MAD1L1: variants seen among roughly 807,000 people sequenced by gnomAD.
MAD1L1 encodes the protein mitotic arrest deficient 1 like 1, also known as mitotic spindle assembly checkpoint protein MAD1.
Under a neutral mutation model 96.9 loss-of-function variants are expected in MAD1L1, and 95 were observed. The ratio of observed to expected loss-of-function variants is 0.98; its 90% CI spans 0.83 to 1.16. The LOEUF (loss-of-function observed/expected upper bound fraction) is 1.16, where lower values mean the gene tolerates loss of function less well. Among genes scored for constraint, MAD1L1 ranks in the 50% most tolerant of loss-of-function variants. The pLI, the probability that MAD1L1 is intolerant of heterozygous loss-of-function variation, is 0.00. For synonymous variants in MAD1L1, 473 were observed against 396.6 expected (o/e 1.19, Z -2.29); for missense variants, 1,007 against 954.4 (o/e 1.06, Z -0.73).
chr7:2,043,920 G>A (rs1014889041), intron 12 of MAD1L1, among the ~76,000 whole-genome samples: 4 of 152,362 alleles, frequency 2.6e-5, no homozygotes, highest in Admixed American at 6.5e-5. Flanking sequence ...TGCAGGAACA[G>A]GGTGTGGGTG....
chr7:2,217,355 C>T (rs902531424), intron 7 of MAD1L1, among the ~76,000 whole-genome samples: 3 of 152,178 alleles, frequency 2.0e-5, no homozygotes, highest in South Asian at 2.1e-4. Context: ...CTGAGGGCTG[C>T]GAGGGGCCAG....
chr7:1,885,519 C>T (rs1426774712), intron 18 of MAD1L1, among the ~76,000 whole-genome samples: 1 of 152,174 alleles, frequency 6.6e-6, no homozygotes, highest in African/African-American at 2.4e-5. Flanking sequence ...GTCGGAAGGG[C>T]AGATTTCAGG....
chr7:1,827,897 C>A (rs534153331), intron 18 of MAD1L1, among the ~76,000 whole-genome samples: 99 of 152,284 alleles, frequency 6.5e-4, no homozygotes, highest in Non-Finnish European at 1.1e-3. Context: ...GGCCTCTGCG[C>A]CTTCTCACCT....
At chr7:2,002,792 C>T (rs1781856576) in intron 13 of MAD1L1, among the ~76,000 whole-genome samples, 1 of 152,230 alleles carries the variant, frequency 6.6e-6, no homozygotes, top group South Asian at 2.1e-4. Flanking sequence ...AGCAGTCCAG[C>T]TCCCTGCTGG....
intron 11 of MAD1L1, among the ~76,000 whole-genome samples, chr7:2,133,009 G>A (rs1014567148): frequency 4.6e-5 from 7 of 152,204 alleles, no homozygotes; most frequent in East Asian, 3.9e-4. Flanking sequence ...CCCTTCCTGC[G>A]TCTGCTTTGG....
chr7:1,902,512 C>T (rs965495967), intron 17 of MAD1L1, among the ~76,000 whole-genome samples: 1 of 152,218 alleles, frequency 6.6e-6, no homozygotes, highest in Non-Finnish European at 1.5e-5. Context: ...TCGAGTGTTA[C>T]GGGGCACACG....
chr7:2,023,646 A>C (rs10258126), intron 12 of MAD1L1, among the ~76,000 whole-genome samples: 6,442 of 152,316 alleles, frequency 0.042, 212 homozygotes, highest in East Asian at 0.088. Flanking sequence ...TGTAAGCCTA[A>C]AGCAAGAAAT....
intron 10 of MAD1L1, among the ~76,000 whole-genome samples, chr7:2,151,900 C>A (rs1054340346): frequency 1.3e-5 from 2 of 152,244 alleles, no homozygotes; most frequent in Non-Finnish European, 2.9e-5. Flanking sequence ...ACGCCTCATT[C>A]TGGCACTGAT....
chr7:2,162,292 A>G (rs1010193958), intron 10 of MAD1L1, among the ~76,000 whole-genome samples: 1 of 152,224 alleles, frequency 6.6e-6, no homozygotes, highest in Non-Finnish European at 1.5e-5. Flanking sequence ...CCTTACCCCC[A>G]ACCCTGTGCT....
chr7:1,978,892 G>T (rs1780767971), intron 15 of MAD1L1, among the ~76,000 whole-genome samples: 1 of 152,226 alleles, frequency 6.6e-6, no homozygotes, highest in Non-Finnish European at 1.5e-5. Flanking sequence ...GAACGGCTGA[G>T]CAGATGTAAA....
chr7:2,061,103 C>T (rs1225275842), intron 12 of MAD1L1, among the ~76,000 whole-genome samples: 3 of 152,244 alleles, frequency 2.0e-5, no homozygotes, highest in Non-Finnish European at 4.4e-5. Context: ...CTTTGGAAGG[C>T]TGAGGCAGGC....
intron 18 of MAD1L1, among the ~76,000 whole-genome samples, chr7:1,888,083 G>A (rs1193237675): frequency 4.0e-5 from 6 of 149,452 alleles, no homozygotes; most frequent in Non-Finnish European, 7.4e-5. Context: ...GTGCATGCAT[G>A]AGCATGCATG....
intron 7 of MAD1L1, 107 bp from the exon 8 acceptor site, chr7:2,216,394 T>C (rs2114995348): frequency 8.8e-7 from 1 of 1,136,986 alleles, no homozygotes; most frequent in Non-Finnish European, 1.2e-6. Context: ...GCAACGGCTA[T>C]ACACACTGCA....
intron 15 of MAD1L1, among the ~76,000 whole-genome samples, chr7:1,978,791 C>T (rs577384851): frequency 5.3e-5 from 8 of 152,268 alleles, no homozygotes; most frequent in East Asian, 3.9e-4. Context: ...CAGATGAAGA[C>T]GGAGAGCGCG....
intron 13 of MAD1L1, among the ~76,000 whole-genome samples, chr7:2,011,317 C>A (rs1782291587): frequency 6.6e-6 from 1 of 152,224 alleles, no homozygotes; most frequent in Non-Finnish European, 1.5e-5. Flanking sequence ...ACCCTTGCCA[C>A]ACTTCATGTG....
chr7:1,883,517 A>C (rs1481062119), intron 18 of MAD1L1, among the ~76,000 whole-genome samples: 2 of 152,206 alleles, frequency 1.3e-5, no homozygotes, highest in African/African-American at 4.8e-5. Flanking sequence ...TGCTGCCTGA[A>C]GGCCAAGCTC....
At position 1,816,122 on chromosome 7, in the gene MAD1L1, G is replaced by A. The variant is rs1375223943; in HGVS notation, c.2105C>T (p.Ala702Val). 6.2e-7 allele frequency: 1 copy of A among 1,613,000 alleles called. No homozygotes were observed. Among genetic ancestry groups the A allele is most frequent in the East Asian group, 2.2e-5 (1 of 44,876 alleles). Reference sequence around the variant, plus strand: ...CTCGAGGGTGAGCGAGCTGAGGAAGGCAGGGATGCTGTCCTGGCGCCGCAG... The same window carrying A: ...CTCGAGGGTGAGCGAGCTGAGGAAGACAGGGATGCTGTCCTGGCGCCGCAG... ...VHLRRQDSIPAFLSSLTLELF... is the reference protein window; with the variant it reads ...VHLRRQDSIPVFLSSLTLELF... Residue 702 changes from alanine (A) to valine (V), a missense_variant, in exon 19 of 19, where the codon GCC (alanine) becomes GTC (valine). Physicochemically the swap from Ala to Val is moderately conservative, Grantham distance 64. Coordinates refer to ENST00000265854, the MANE Select transcript of MAD1L1 (RefSeq NM_001013836.2).
At chr7:1,843,737 G>A (rs940115414) in intron 18 of MAD1L1, among the ~76,000 whole-genome samples, 1 of 152,154 alleles carries the variant, frequency 6.6e-6, no homozygotes, top group Non-Finnish European at 1.5e-5. Context: ...CGTCTTCCTG[G>A]AGCACCCAGG....
At chr7:2,139,509 T>G (rs1788920900) in intron 11 of MAD1L1, among the ~76,000 whole-genome samples, 2 of 152,308 alleles carry the variant, frequency 1.3e-5, no homozygotes, top group African/African-American at 4.8e-5. Context: ...ACACTACCAA[T>G]GACCCAGCAC....
Sources: gnomAD v4.1 joint callset for allele counts (sites outside exome capture counted in the v4.1 genomes callset) on GRCh38, gnomAD v4.1.1 for gene constraint, MANE v1.5 for transcripts, NCBI Gene and HGNC (gene_info 2026-07-23, HGNC 2026-07-21) for gene names.